GABRA3: variants seen among roughly 807,000 people sequenced by gnomAD.
The protein encoded by GABRA3 is gamma-aminobutyric acid type A receptor subunit alpha3, also known as gamma-aminobutyric acid receptor subunit alpha-3.
Under a neutral mutation model 30.1 loss-of-function variants are expected in GABRA3, and 10 were observed. The ratio of observed to expected loss-of-function variants is 0.33; its 90% CI spans 0.20 to 0.56. The LOEUF (loss-of-function observed/expected upper bound fraction) is 0.56, where lower values mean the gene tolerates loss of function less well. GABRA3 is among the 20% of genes least tolerant of loss of function. The pLI, the probability that GABRA3 is intolerant of heterozygous loss-of-function variation, is 0.89. For missense variants in GABRA3, 233 were observed against 392.0 expected, an observed-to-expected ratio of 0.59 and a Z score of 3.42; for synonymous variants, 151 against 146.8, an observed-to-expected ratio of 1.03 and a Z score of -0.21.
chrX:152,313,846 G>A (rs921296096), intron 3 of GABRA3, among the ~76,000 whole-genome samples: 3 of 111,496 alleles, frequency 2.7e-5, no homozygotes, highest in African/African-American at 9.8e-5. Context: ...GAAGAGAGGT[G>A]TCTTTCCTTT....
chrX:152,322,844 CTTTTTT>C (rs1172827692), intron 3 of GABRA3, among the ~76,000 whole-genome samples: 8 of 61,279 alleles, frequency 1.3e-4, no homozygotes, highest in African/African-American at 5.0e-4. Flanking sequence ...AAAGTCTACT[CTTTTTT>C]TTTTTTTTTT....
intron 4 of GABRA3, among the ~76,000 whole-genome samples, chrX:152,266,424 T>C (rs1938825250): frequency 8.9e-6 from 1 of 112,082 alleles, no homozygotes; most frequent in South Asian, 3.7e-4. Flanking sequence ...TTTGATAAAA[T>C]TCAACATCCC....
intron 2 of GABRA3, 53 bp downstream of exon 2, chrX:152,364,378 G>A (rs1928595547): frequency 1.7e-6 from 2 of 1,147,281 alleles, no homozygotes; most frequent in Non-Finnish European, 2.3e-6. Flanking sequence ...GTTTTGGTCT[G>A]AGGCAAACAT....
Position 152,208,150 on chromosome X carries a change from G to T in GABRA3, c.635-6C>A. On this transcript the variant is annotated splice_polypyrimidine_tract_variant and splice_region_variant and intron_variant, in intron 6 of 9. Transcript: ENST00000370314. ...TTCAGCTGTTGTATAGGCATCTAAGGCAGAGAAGGGTCAATAAAGAGAAGT... is the reference window on the plus strand; with the variant it reads ...TTCAGCTGTTGTATAGGCATCTAAGTCAGAGAAGGGTCAATAAAGAGAAGT... The T allele has an allele frequency of 8.3e-7, 1 of 1,205,760 alleles. No homozygotes were observed. The highest frequency in any genetic ancestry group is 1.1e-6 in the Non-Finnish European group (1 of 891,573).
intron 5 of GABRA3, among the ~76,000 whole-genome samples, chrX:152,228,019 C>A (rs1937998035): frequency 9.0e-6 from 1 of 111,493 alleles, no homozygotes; most frequent in Admixed American, 9.5e-5. Context: ...GAAGGAAGAA[C>A]CAGAGGCACA....
At chrX:152,361,482 A>G (rs1230842764) in intron 2 of GABRA3, among the ~76,000 whole-genome samples, 3 of 106,376 alleles carry the variant, frequency 2.8e-5, no homozygotes, top group Non-Finnish European at 5.8e-5. Flanking sequence ...CTGAGGCAGG[A>G]GAATGGCTTG....
chrX:152,235,510 C>G (rs1175595947), intron 5 of GABRA3, among the ~76,000 whole-genome samples: 1 of 111,049 alleles, frequency 9.0e-6, no homozygotes, highest in Non-Finnish European at 1.9e-5. Flanking sequence ...AAACAATTGT[C>G]AGAACTAATA....
At chrX:152,292,941 T>C in intron 3 of GABRA3, among the ~76,000 whole-genome samples, 1 of 111,903 alleles carries the variant, frequency 8.9e-6, no homozygotes, top group Non-Finnish European at 1.9e-5. Context: ...TCTGTTCTTT[T>C]ACATGTGCTG....
chrX:152,369,509 A>G (rs1488620447), intron 1 of GABRA3, among the ~76,000 whole-genome samples: 2 of 111,547 alleles, frequency 1.8e-5, no homozygotes, highest in South Asian at 3.8e-4. Flanking sequence ...GAAATATGTC[A>G]GGTATGCTCC....
intron 4 of GABRA3, among the ~76,000 whole-genome samples, chrX:152,268,553 G>T: frequency 8.9e-6 from 1 of 111,846 alleles, no homozygotes; most frequent in Non-Finnish European, 1.9e-5. Context: ...GTCTTTATTA[G>T]CAGCATAAGA....
intron 1 of GABRA3, among the ~76,000 whole-genome samples, chrX:152,418,027 A>T (rs1930278277): frequency 9.1e-6 from 1 of 110,296 alleles, no homozygotes. Flanking sequence ...ATGTATAATA[A>T]AAAAAAGAAG....
chrX:152,279,669 G>A (rs1016939705), intron 4 of GABRA3, among the ~76,000 whole-genome samples: 10 of 111,426 alleles, frequency 9.0e-5, no homozygotes, highest in Admixed American at 8.6e-4. Flanking sequence ...TAGCTTGATG[G>A]GGATGGCAAT....
intron 6 of GABRA3, among the ~76,000 whole-genome samples, chrX:152,222,841 T>C (rs1022993742): frequency 9.1e-6 from 1 of 109,766 alleles, no homozygotes; most frequent in Admixed American, 9.7e-5. Flanking sequence ...TCTAGGATTT[T>C]AAACTAGTAG....
chrX:152,425,472 G>A lies in GABRA3; in HGVS notation c.-27+25674C>T, dbSNP rs1930495560. On this transcript the variant is annotated intron_variant, in intron 1 of 9. Coordinates refer to ENST00000370314, the MANE Select transcript of GABRA3 (RefSeq NM_000808.4). ...TATCTCTTTAGTCTCCTTTAGTCTG[G>A]AACATTTCCCCAATTTTTCTTTGTC... Among the ~76,000 whole-genome samples, 3 of 110,465 alleles carry A rather than the reference G, an allele frequency of 2.7e-5. No individual in the cohort carries two copies. In the Admixed American group the frequency reaches 2.9e-4, roughly 11 times the overall value.
intron 2 of GABRA3, among the ~76,000 whole-genome samples, chrX:152,349,152 C>T (rs1264268803): frequency 9.0e-6 from 1 of 111,645 alleles, no homozygotes; most frequent in African/African-American, 3.3e-5. Context: ...GTCATTTCAA[C>T]AATATTCACA....
At chrX:152,296,403 T>G (rs1370898813) in intron 3 of GABRA3, among the ~76,000 whole-genome samples, 1 of 112,096 alleles carries the variant, frequency 8.9e-6, no homozygotes, top group Non-Finnish European at 1.9e-5. Context: ...AAGTACTCAT[T>G]AATTTCCCCT....
chrX:152,322,465 G>A (rs928446823), intron 3 of GABRA3, among the ~76,000 whole-genome samples: 5 of 111,121 alleles, frequency 4.5e-5, no homozygotes, highest in Non-Finnish European at 5.7e-5. Context: ...AATTGTTCCC[G>A]TAAAATGGTT....
chrX:152,253,703 G>T (rs1320909281), intron 5 of GABRA3, among the ~76,000 whole-genome samples: 1 of 111,301 alleles, frequency 9.0e-6, no homozygotes, highest in Non-Finnish European at 1.9e-5. Flanking sequence ...TAACTACAGA[G>T]CCATATATGA....
At position 152,260,692 on chromosome X, in the gene GABRA3, C is replaced by T. The variant is rs369771329; in HGVS notation, c.331-4694G>A. Among the ~76,000 whole-genome samples, 5 of 111,254 alleles carry T rather than the reference C, an allele frequency of 4.5e-5. No homozygotes were observed. The East Asian group carries it at 1.1e-3, about 25-fold the overall frequency. ...CACAGTGTTACTGAGCTTGAGGTGC[C>T]CCCTAAAACAGATACAGCTTAGATC... On this transcript the variant is annotated intron_variant, in intron 4 of 9. Coordinates refer to ENST00000370314, the MANE Select transcript of GABRA3 (RefSeq NM_000808.4).
Sources: allele counts gnomAD v4.1 joint callset (sites outside exome capture counted in the v4.1 genomes callset), GRCh38; gene constraint gnomAD v4.1.1; transcripts MANE v1.5; gene names NCBI Gene and HGNC (gene_info 2026-07-23, HGNC 2026-07-21).